GLRX3: variants seen among roughly 807,000 people sequenced by gnomAD.
GLRX3 encodes glutaredoxin 3.
A neutral mutation model predicts 49.5 loss-of-function variants in GLRX3; 22 were observed. The ratio of observed to expected loss-of-function variants is 0.44; its 90% CI spans 0.32 to 0.63. GLRX3 has a LOEUF of 0.63. Among genes scored for constraint, GLRX3 ranks in the 30% least tolerant of loss-of-function variants. The pLI, the probability that GLRX3 is intolerant of heterozygous loss-of-function variation, is 0.05. For missense variants in GLRX3, 385 were observed against 396.3 expected, an observed-to-expected ratio of 0.97 and a Z score of 0.24; for synonymous variants, 133 against 140.0, an observed-to-expected ratio of 0.95 and a Z score of 0.35.
At chr10:130,166,851 T>C (rs1862701073) in intron 5 of GLRX3, 68 bp from the exon 6 acceptor site, 3 of 1,063,682 alleles carry the variant, frequency 2.8e-6, no homozygotes, top group Admixed American at 2.0e-5. Flanking sequence ...ATCTGTGTTA[T>C]GGTATGATCA....
chr10:130,165,725 G>C (rs1297035032), intron 4 of GLRX3, among the ~76,000 whole-genome samples: 1 of 152,170 alleles, frequency 6.6e-6, no homozygotes, highest in African/African-American at 2.4e-5. Context: ...CTACTGAAGT[G>C]GGAACTCAGG....
intron 4 of GLRX3, among the ~76,000 whole-genome samples, chr10:130,165,365 T>C (rs1862660144): frequency 6.6e-6 from 1 of 152,156 alleles, no homozygotes; most frequent in South Asian, 2.1e-4. Flanking sequence ...AAGACTGATA[T>C]TCACACTCTT....
At chr10:130,137,409 T>C (rs1256847851) in intron 1 of GLRX3, among the ~76,000 whole-genome samples, 1 of 152,200 alleles carries the variant, frequency 6.6e-6, no homozygotes, top group Non-Finnish European at 1.5e-5. Flanking sequence ...TGTAGACTAC[T>C]CCAAGGACTG....
intron 6 of GLRX3, among the ~76,000 whole-genome samples, chr10:130,168,509 A>G (rs1862737571): frequency 1.3e-5 from 2 of 152,152 alleles, no homozygotes. Flanking sequence ...CAGTGGTGCT[A>G]TCTTGGCTCA....
rs145553269 is a variant in GLRX3 at position 130,160,861 on chromosome 10, A to G, written c.342A>G (p.Arg114=). The G allele has an allele frequency of 1.9e-6, 3 of 1,610,446 alleles. No homozygotes were observed. The highest frequency in any genetic ancestry group is 1.1e-5 in the South Asian group (1 of 91,004). The change falls in exon 4 of 11, where the codon CGA becomes CGG. Residue 114 remains arginine, a synonymous_variant. Transcript: ENST00000331244. The part of the protein sequence containing the change: ...HAPELTKKVQ[R]HASSGSFLPS... Reference sequence around the variant, plus strand: ...CAGAGTTGACCAAAAAAGTTCAGCGACATGCATCTAGTGGCTCCTTCCTAC... The same window carrying G: ...CAGAGTTGACCAAAAAAGTTCAGCGGCATGCATCTAGTGGCTCCTTCCTAC...
At chr10:130,165,921 A>G (rs1862675510) in intron 4 of GLRX3, among the ~76,000 whole-genome samples, 2 of 152,224 alleles carry the variant, frequency 1.3e-5, no homozygotes, top group Non-Finnish European at 2.9e-5. Flanking sequence ...GAAAGTGCTG[A>G]GCGGAGGCCA....
chr10:130,168,748 C>T (rs1055266396), intron 6 of GLRX3, among the ~76,000 whole-genome samples: 9 of 152,180 alleles, frequency 5.9e-5, no homozygotes. Context: ...CGCCCAACCT[C>T]TAAGGAGATT....
At chr10:130,163,778 T>G (rs753047252) in intron 4 of GLRX3, among the ~76,000 whole-genome samples, 36 of 152,320 alleles carry the variant, frequency 2.4e-4, no homozygotes, top group Admixed American at 1.2e-3. Context: ...TGGAGCATTG[T>G]TTTTGCTCTT....
At chr10:130,163,471 GTTAT>G (rs1023344044) in intron 4 of GLRX3, among the ~76,000 whole-genome samples, 1 of 152,142 alleles carries the variant, frequency 6.6e-6, no homozygotes, top group African/African-American at 2.4e-5. Context: ...TAGTATTATA[GTTAT>G]TTAATTAATA....
At chr10:130,178,242 G>A (rs959655345) in intron 10 of GLRX3, among the ~76,000 whole-genome samples, 1 of 152,074 alleles carries the variant, frequency 6.6e-6, no homozygotes, top group Non-Finnish European at 1.5e-5. Flanking sequence ...ACGTCACACT[G>A]CTTTTTTTTT....
In GLRX3 at chr10:130,160,048, T is replaced by G. The variant is rs897130862; in HGVS notation, c.255T>G (p.Val85=). ...EVSEKYEISS[V]PTFLFFKNSQ... is the part of the protein sequence containing the mutation. ...CTGAAAAATATGAAATTAGCTCTGT[T>G]CCCACTTTTCTGTTTTTCAAGGTAA... Residue 85 remains valine, a synonymous_variant, in exon 3 of 11, where the codon GTT becomes GTG. Coordinates refer to ENST00000331244, the MANE Select transcript of GLRX3 (RefSeq NM_006541.5). 1 of 1,599,218 alleles carries G rather than the reference T, an allele frequency of 6.3e-7. No individual in the cohort carries two copies. The highest frequency in any genetic ancestry group is 8.6e-7 in the Non-Finnish European group (1 of 1,166,566).
rs539650762 is a variant in GLRX3 at position 130,139,869 on chromosome 10, C to T, written c.92+3357C>T. On this transcript the variant is annotated intron_variant, in intron 1 of 10. Coordinates refer to ENST00000331244, the MANE Select transcript of GLRX3 (RefSeq NM_006541.5). ...GTTTGAGCCCAGGAGTTCCAAGCTG[C>T]GGTGAGCTATGATCCTGCCACTGTA... Among the ~76,000 whole-genome samples the T allele has an allele frequency of 3.3e-5, 5 of 152,270 alleles. No individual in the cohort carries two copies. The East Asian group carries it at 9.6e-4, about 29-fold the overall frequency.
chr10:130,141,519 T>C (rs1319570443), intron 1 of GLRX3, among the ~76,000 whole-genome samples: 3 of 152,208 alleles, frequency 2.0e-5, no homozygotes, highest in African/African-American at 7.2e-5. Context: ...GATTTCTTAC[T>C]GTCACTGTAG....
At chr10:130,172,798 C>T (rs1187474257) in intron 8 of GLRX3, among the ~76,000 whole-genome samples, 2 of 152,058 alleles carry the variant, frequency 1.3e-5, no homozygotes, top group South Asian at 4.2e-4. Context: ...AAAAATTAGC[C>T]GGGTGCGGTG....
At chr10:130,165,371 C>G (rs1862660277) in intron 4 of GLRX3, among the ~76,000 whole-genome samples, 1 of 151,928 alleles carries the variant, frequency 6.6e-6, no homozygotes. Context: ...GATATTCACA[C>G]TCTTATTCTT....
intron 10 of GLRX3, among the ~76,000 whole-genome samples, chr10:130,178,876 G>C (rs572249451): frequency 1.3e-5 from 2 of 151,798 alleles, no homozygotes; most frequent in African/African-American, 4.8e-5. Flanking sequence ...ACTGATTTTT[G>C]TATTTTTAGT....
intron 2 of GLRX3, 152 bp from the exon 3 acceptor site, chr10:130,159,843 C>T (rs1474567879): frequency 2.9e-6 from 4 of 1,359,536 alleles, no homozygotes; most frequent in Non-Finnish European, 3.9e-6. Context: ...CAGTGAGTCT[C>T]ATTTAAATGT....
intron 1 of GLRX3, among the ~76,000 whole-genome samples, chr10:130,140,630 A>G (rs1862154668): frequency 6.6e-6 from 1 of 152,236 alleles, no homozygotes; most frequent in South Asian, 2.1e-4. Context: ...CATGTTAGTA[A>G]TAATGAAACT....
Position 130,168,833 on chromosome 10 carries a change from G to C in GLRX3, c.714-600G>C, listed in dbSNP as rs528064562. 2.0e-5 allele frequency among the ~76,000 whole-genome samples: 3 copies of C among 152,318 alleles called. No homozygotes were observed. The South Asian group carries it at 6.2e-4, about 32-fold the overall frequency. On this transcript the variant is annotated intron_variant, in intron 6 of 10. Coordinates refer to ENST00000331244, the MANE Select transcript of GLRX3 (RefSeq NM_006541.5). ...GGTTCTTTAGTGACCCGTTGTCCCA[G>C]CACTGACTTTTCTTGAGATTTGTGA...
Sources: gnomAD v4.1 joint callset for allele counts (sites outside exome capture counted in the v4.1 genomes callset) on GRCh38, gnomAD v4.1.1 for gene constraint, MANE v1.5 for transcripts, NCBI Gene and HGNC (gene_info 2026-07-23, HGNC 2026-07-21) for gene names.